The following NTNG2 variants were observed in gnomAD, a reference collection of about 807,000 sequenced individuals.
NTNG2 encodes the protein netrin G2.
A neutral mutation model predicts 47.6 loss-of-function variants in NTNG2; 15 were observed. That is an observed-to-expected ratio of 0.32 (90% CI 0.21 to 0.49). NTNG2 has a LOEUF of 0.49. Among genes scored for constraint, NTNG2 ranks in the 20% least tolerant of loss-of-function variants. The pLI, the probability that NTNG2 is intolerant of heterozygous loss-of-function variation, is 0.99. For missense variants in NTNG2, 578 were observed against 764.6 expected (o/e 0.76, Z 2.88); for synonymous variants, 307 against 324.6 (o/e 0.95, Z 0.58).
chr9:132,208,355 AG>A lies in NTNG2; in HGVS notation c.857+9747del, dbSNP rs1450039882. 6.6e-6 allele frequency among the ~76,000 whole-genome samples: 1 copy of A among 152,158 alleles called. No individual in the cohort carries two copies. The highest frequency in any genetic ancestry group is 2.4e-5 in the African/African-American group (1 of 41,424). On this transcript the variant is annotated intron_variant, in intron 3 of 7. Coordinates refer to ENST00000393229, the MANE Select transcript of NTNG2 (RefSeq NM_032536.4). The surrounding 1 kb of genome is among the most constrained non-coding windows in gnomAD (Gnocchi z 4.0). ...CAGGGCCAGATCACGCCAGCCCTGC[AG>A]CCCCGGGAGGAAGTTGGTTTTGGTT...
chr9:132,189,691 G>A (rs902443581), intron 2 of NTNG2, among the ~76,000 whole-genome samples: 1 of 152,102 alleles, frequency 6.6e-6, no homozygotes, highest in African/African-American at 2.4e-5. Flanking sequence ...CCAGGCTGGA[G>A]TGCAGTGGTG....
Position 132,198,460 on chromosome 9 carries a change from G to A in NTNG2, c.708G>A (p.Arg236=). Residue 236 remains arginine, a synonymous_variant, in exon 3 of 8, where the codon CGG becomes CGA. Coordinates refer to ENST00000393229, the MANE Select transcript of NTNG2 (RefSeq NM_032536.4). ...DLRNMDNLYT[R]LESAKGLKEF... ...GCAACATGGACAACCTCTACACGCG[G>A]CTGGAGAGCGCCAAGGGCCTCAAGG... 1 of 1,610,528 alleles carries A rather than the reference G, an allele frequency of 6.2e-7. No individual in the cohort carries two copies. Among genetic ancestry groups the A allele is most frequent in the African/African-American group, 1.3e-5 (1 of 75,032 alleles).
intron 5 of NTNG2, among the ~76,000 whole-genome samples, chr9:132,237,955 G>C (rs944315166): frequency 2.0e-5 from 3 of 152,154 alleles, no homozygotes; most frequent in African/African-American, 7.2e-5. Context: ...ACAGGTGGGA[G>C]TGCCCACCAT....
At chr9:132,161,992 C>A (rs1418637474), upstream of NTNG2, 1 of 149,824 alleles carries the variant, frequency 6.7e-6, no homozygotes, top group East Asian at 1.9e-4. The surrounding 1 kb of genome is among the most constrained non-coding windows in gnomAD (Gnocchi z 7.2). Context: ...CGGCCCCCTC[C>A]CCCGGCCCGC....
chr9:132,166,545 C>A lies in NTNG2; in HGVS notation c.-287C>A. 1 of 462,624 alleles carries A rather than the reference C, an allele frequency of 2.2e-6. No homozygotes were observed. The highest frequency in any genetic ancestry group is 2.3e-5 in the South Asian group (1 of 42,634). The allele number at this position is 462,624 out of a possible 1,614,324, so 28.7% of individuals were successfully genotyped here. On this transcript the variant is annotated 5_prime_UTR_variant, in exon 2 of 8. Coordinates refer to ENST00000393229, the MANE Select transcript of NTNG2 (RefSeq NM_032536.4). ...TGCCTGATTTGATCAGATTCACCTC[C>A]AGGGGAGGTGTGATACCAGGGTTAG...
intron 2 of NTNG2, among the ~76,000 whole-genome samples, chr9:132,174,342 C>T (rs539715290): frequency 2.5e-5 from 3 of 121,872 alleles, no homozygotes; most frequent in African/African-American, 1.1e-4. Context: ...ACAGACAGGT[C>T]GAACCATGCT....
At chr9:132,210,617 C>G (rs1007538430) in intron 3 of NTNG2, among the ~76,000 whole-genome samples, 2 of 152,236 alleles carry the variant, frequency 1.3e-5, no homozygotes, top group African/African-American at 2.4e-5. Context: ...CCATGACACC[C>G]GGCAGGCTCC....
rs112009650 is a variant in NTNG2, at chr9:132,208,827, A to G, written c.857+10218A>G. 1.8e-3 allele frequency among the ~76,000 whole-genome samples: 269 copies of G among 152,174 alleles called. 1 individual carries two copies. The highest frequency in any genetic ancestry group is 6.8e-3 in the Middle Eastern group (2 of 294). On this transcript the variant is annotated intron_variant, in intron 3 of 7. Coordinates refer to ENST00000393229, the MANE Select transcript of NTNG2 (RefSeq NM_032536.4). This position sits in a 1 kb window ranked among gnomAD's most constrained non-coding sequence, Gnocchi z 4.0. Reference sequence around the variant, plus strand: ...AGCACGTGGATAGAGTCATGCAACCACCACCACAGCCTGGGCCCACAACAG... The same window carrying G: ...AGCACGTGGATAGAGTCATGCAACCGCCACCACAGCCTGGGCCCACAACAG...
At chr9:132,191,708 ACTACAGGCGCCCGCCG>A (rs1345177512) in intron 2 of NTNG2, among the ~76,000 whole-genome samples, 1 of 151,820 alleles carries the variant, frequency 6.6e-6, no homozygotes, top group African/African-American at 2.4e-5. Flanking sequence ...AGTAGCTGGG[ACTACAGGCGCCCGCCG>A]CTACACCCGG....
In NTNG2 at chr9:132,162,567, AGAGTGTGT is replaced by A. The variant is rs1835128900; in HGVS notation, c.-484+330_-484+337del. On this transcript the variant is annotated intron_variant, in intron 1 of 7. Transcript: ENST00000393229. This position sits in a 1 kb window ranked among gnomAD's most constrained non-coding sequence, Gnocchi z 4.6. Reference sequence around the variant, plus strand: ...GTGTGTGTGTGTGTGAGAGAGAGACAGAGTGTGTGTGTGTGTGTGTGTGTGTGTGTGTG... The same window carrying A: ...GTGTGTGTGTGTGTGAGAGAGAGACAGTGTGTGTGTGTGTGTGTGTGTGTG... Among the ~76,000 whole-genome samples, 2 of 101,688 alleles carry A rather than the reference AGAGTGTGT, an allele frequency of 2.0e-5. No homozygotes were observed. Among genetic ancestry groups the A allele is most frequent in the East Asian group, 3.0e-4 (1 of 3,340 alleles). 66.7% of individuals were successfully genotyped at this position (101,688 alleles called of 152,430 possible). A position where few individuals can be genotyped will look rare whatever the true frequency, so the allele number is the denominator to read the frequency against.
chr9:132,166,591 A>AACT lies in NTNG2; in HGVS notation c.-240_-238dup. ...GTTAGGAGGACGTGAAGTTATGGGC[A>AACT]ACTTTCTGATCTGTCCATCAGCAGT... On this transcript the variant is annotated 5_prime_UTR_variant, in exon 2 of 8. Transcript: ENST00000393229. 9.0e-6 allele frequency: 5 copies of AACT among 553,580 alleles called. No individual in the cohort carries two copies. Among genetic ancestry groups the AACT allele is most frequent in the South Asian group, 8.3e-5 (4 of 48,302 alleles). 34.3% of individuals were successfully genotyped at this position (553,580 alleles called of 1,614,324 possible).
intron 2 of NTNG2, among the ~76,000 whole-genome samples, chr9:132,169,378 T>C (rs987321850): frequency 2.0e-5 from 3 of 152,190 alleles, no homozygotes; most frequent in African/African-American, 7.2e-5. Flanking sequence ...GGCTGGCTTT[T>C]GGAGGGGTGG....
intron 2 of NTNG2, among the ~76,000 whole-genome samples, chr9:132,176,155 C>G (rs1836432609): frequency 1.3e-5 from 2 of 151,778 alleles, no homozygotes; most frequent in Non-Finnish European, 2.9e-5. Context: ...TTGAGACCAG[C>G]CTGGGCAATG....
chr9:132,214,874 A>T (rs1020501056), intron 3 of NTNG2, among the ~76,000 whole-genome samples: 13 of 149,534 alleles, frequency 8.7e-5, no homozygotes, highest in East Asian at 5.9e-4. Flanking sequence ...TTCAAAAAAA[A>T]TTTTTTTTTT....
At chr9:132,214,651 A>T (rs564758414) in intron 3 of NTNG2, among the ~76,000 whole-genome samples, 2 of 152,302 alleles carry the variant, frequency 1.3e-5, no homozygotes, top group South Asian at 2.1e-4. Context: ...GCCCCATGTC[A>T]GGCCGTGAGA....
intron 2 of NTNG2, among the ~76,000 whole-genome samples, chr9:132,190,442 G>A (rs562861414): frequency 2.0e-5 from 3 of 152,000 alleles, no homozygotes; most frequent in Admixed American, 1.3e-4. Context: ...TCATCCCAGC[G>A]CAGGCTTGGG....
chr9:132,208,783 G>T lies in NTNG2; in HGVS notation c.857+10174G>T, dbSNP rs1270870204. Among the ~76,000 whole-genome samples, 1 of 151,924 alleles carries T rather than the reference G, an allele frequency of 6.6e-6. No homozygotes were observed. Among genetic ancestry groups the T allele is most frequent in the Non-Finnish European group, 1.5e-5 (1 of 67,974 alleles). ...ATACAGCAAAGTGGACCTTTTGGGG[G>T]TACAATTCTAGGAATTTTAGCACGT... On this transcript the variant is annotated intron_variant, in intron 3 of 7. Coordinates refer to ENST00000393229, the MANE Select transcript of NTNG2 (RefSeq NM_032536.4). This position sits in a 1 kb window ranked among gnomAD's most constrained non-coding sequence, Gnocchi z 4.0.
At chr9:132,241,222 C>G (rs867573718) in intron 7 of NTNG2, among the ~76,000 whole-genome samples, 178 bp downstream of exon 7, 56 of 147,680 alleles carry the variant, frequency 3.8e-4, no homozygotes, top group Admixed American at 8.7e-4. Context: ...GTGGGCGGGG[C>G]CTCGCGAGAC....
chr9:132,239,340 G>A, intron 6 of NTNG2, 69 bp downstream of exon 6: 1 of 1,549,254 alleles, frequency 6.5e-7, no homozygotes, highest in Non-Finnish European at 8.9e-7. Context: ...CCTGCGAGGT[G>A]GCCTCTGGGG....
Sources: allele counts gnomAD v4.1 joint callset (sites outside exome capture counted in the v4.1 genomes callset), GRCh38; gene constraint gnomAD v4.1.1; non-coding constraint Gnocchi (gnomAD v3.1); transcripts MANE v1.5; gene names NCBI Gene and HGNC (gene_info 2026-07-23, HGNC 2026-07-21).